STAG1: variants seen among roughly 807,000 people sequenced by gnomAD.
The protein encoded by STAG1 is cohesin subunit SA-1.
Under a neutral mutation model 170.9 loss-of-function variants are expected in STAG1, and 26 were observed. The ratio of observed to expected loss-of-function variants is 0.15; its 90% CI spans 0.11 to 0.21. STAG1 has a LOEUF of 0.21. Among genes scored for constraint, STAG1 ranks in the 10% least tolerant of loss-of-function variants. The probability of loss-of-function intolerance (pLI) is 1.00; values close to 1 mark genes in which losing one functional copy is unlikely to be tolerated. For missense variants in STAG1, 964 were observed against 1,509.5 expected, an observed-to-expected ratio of 0.64 and a Z score of 5.99; for synonymous variants, 514 against 497.7, an observed-to-expected ratio of 1.03 and a Z score of -0.44.
chr3:136,471,175 A>G (rs2089617944), intron 12 of STAG1, among the ~76,000 whole-genome samples: 1 of 151,684 alleles, frequency 6.6e-6, no homozygotes, highest in South Asian at 2.1e-4. Context: ...TTAATGTGCT[A>G]TGATCACATC....
intron 10 of STAG1, among the ~76,000 whole-genome samples, chr3:136,474,216 A>C (rs531207099): frequency 6.6e-6 from 1 of 152,312 alleles, no homozygotes; most frequent in Admixed American, 6.5e-5. Context: ...GTTGATGATC[A>C]AAATGCATTC....
rs190180927 is a variant in STAG1 at position 136,679,758 on chromosome 3, C to T, written c.-83-48777G>A. Among the ~76,000 whole-genome samples, 492 of 148,540 alleles carry T rather than the reference C, an allele frequency of 3.3e-3. 7 individuals carry two copies. The East Asian group carries it at 0.047, about 14-fold the overall frequency. On this transcript the variant is annotated intron_variant, in intron 1 of 33. Coordinates refer to ENST00000383202, the MANE Select transcript of STAG1 (RefSeq NM_005862.3). Reference sequence around the variant, plus strand: ...AAAAAAAAAAAAAAAAAAAATCAGCCGGGCATGGTGGTGCACGCCTGTAAT... The same window carrying T: ...AAAAAAAAAAAAAAAAAAAATCAGCTGGGCATGGTGGTGCACGCCTGTAAT...
rs1048236934 is a variant in STAG1 at position 136,631,704 on chromosome 3, A to T, written c.-83-723T>A. Among the ~76,000 whole-genome samples, 3 of 152,294 alleles carry T rather than the reference A, an allele frequency of 2.0e-5. No individual in the cohort carries two copies. The East Asian group carries it at 5.8e-4, about 29-fold the overall frequency. ...TACTTTTCCTTCAAATTTGCTGTGA[A>T]CCTACAATGGCTCTAAAAAACATAA... On this transcript the variant is annotated intron_variant, in intron 1 of 33. Coordinates refer to ENST00000383202, the MANE Select transcript of STAG1 (RefSeq NM_005862.3).
Position 136,500,382 on chromosome 3 carries a change from T to G in STAG1, c.829-86A>C, listed in dbSNP as rs951860802. 9 of 923,138 alleles carry G rather than the reference T, an allele frequency of 9.7e-6. No individual in the cohort carries two copies. In the African/African-American group the frequency reaches 1.5e-4, roughly 16 times the overall value. The allele number at this position is 923,138 out of a possible 1,614,324, so 57.2% of individuals were successfully genotyped here. A position where few individuals can be genotyped will look rare whatever the true frequency, so the allele number is the denominator to read the frequency against. On this transcript the variant is annotated intron_variant, in intron 8 of 33. Transcript: ENST00000383202. ...CCAATTGTTTTTAATTCCTGGTTAT[T>G]TTCATTCTGGGTAGTTTTCAATCCT...
chr3:136,723,995 C>T (rs1016526609), intron 1 of STAG1, among the ~76,000 whole-genome samples: 2 of 150,628 alleles, frequency 1.3e-5, no homozygotes, highest in East Asian at 2.0e-4. Flanking sequence ...GTCAGCCCCC[C>T]GCACAGCCAG....
intron 1 of STAG1, among the ~76,000 whole-genome samples, chr3:136,658,654 CA>C (rs1405954858): frequency 6.6e-6 from 1 of 152,090 alleles, no homozygotes; most frequent in African/African-American, 2.4e-5. Flanking sequence ...GAAGTTTTTA[CA>C]AAGTGAAATC....
At chr3:136,436,202 G>A (rs532610201) in intron 15 of STAG1, among the ~76,000 whole-genome samples, 8 of 150,926 alleles carry the variant, frequency 5.3e-5, no homozygotes, top group East Asian at 2.0e-4. Flanking sequence ...GTGATCCACC[G>A]GCCTCAGCCT....
intron 13 of STAG1, among the ~76,000 whole-genome samples, chr3:136,456,527 C>G (rs547108977): frequency 4.6e-5 from 7 of 152,198 alleles, no homozygotes; most frequent in African/African-American, 1.7e-4. Flanking sequence ...TTCAAGCAAA[C>G]TAACTTCTGC....
At chr3:136,574,587 A>G (rs1298673116) in intron 4 of STAG1, among the ~76,000 whole-genome samples, 1 of 152,162 alleles carries the variant, frequency 6.6e-6, no homozygotes, top group Non-Finnish European at 1.5e-5. Context: ...TACCAAACAT[A>G]AAGAGAAATA....
intron 1 of STAG1, among the ~76,000 whole-genome samples, chr3:136,737,696 G>C (rs1215641382): frequency 6.6e-6 from 1 of 152,210 alleles, no homozygotes; most frequent in Non-Finnish European, 1.5e-5. Context: ...CTAGGTAGCA[G>C]TATAAAGGAG....
intron 21 of STAG1, among the ~76,000 whole-genome samples, chr3:136,400,968 T>C (rs1364022424): frequency 1.3e-5 from 2 of 152,238 alleles, no homozygotes; most frequent in Admixed American, 6.5e-5. Context: ...TACAATACAT[T>C]GTTTTCATTG....
At chr3:136,521,499 G>C in intron 6 of STAG1, 82 bp from the exon 7 acceptor site, 2 of 1,228,390 alleles carry the variant, frequency 1.6e-6, no homozygotes, top group Admixed American at 4.5e-5. Flanking sequence ...TACCTACATA[G>C]GAACCCTTTT....
chr3:136,449,315 C>T (rs1346414323), intron 14 of STAG1, among the ~76,000 whole-genome samples: 1 of 152,140 alleles, frequency 6.6e-6, no homozygotes, highest in Non-Finnish European at 1.5e-5. Context: ...AATCCCAGCA[C>T]TTTGGAAGGC....
chr3:136,370,753 T>C (rs1188802762), intron 23 of STAG1, among the ~76,000 whole-genome samples: 1 of 152,214 alleles, frequency 6.6e-6, no homozygotes, highest in Admixed American at 6.5e-5. Context: ...CTTAATCTGG[T>C]CTATCATTGT....
chr3:136,395,514 T>TG (rs1475300165), intron 22 of STAG1, among the ~76,000 whole-genome samples: 2 of 151,798 alleles, frequency 1.3e-5, no homozygotes, highest in Non-Finnish European at 2.9e-5. Flanking sequence ...CCAGCTACCC[T>TG]GGAGGCTGAG....
At chr3:136,446,880 A>G (rs1576473562) in intron 14 of STAG1, among the ~76,000 whole-genome samples, 2 of 150,754 alleles carry the variant, frequency 1.3e-5, no homozygotes, top group South Asian at 4.2e-4. Flanking sequence ...GCTCACTGCC[A>G]CCTCTTGCCT....
chr3:136,636,686 A>T (rs935652286), intron 1 of STAG1, among the ~76,000 whole-genome samples: 3 of 152,262 alleles, frequency 2.0e-5, no homozygotes, highest in African/African-American at 7.2e-5. Context: ...TCACAAAAAA[A>T]TCAGCAAACT....
intron 10 of STAG1, 121 bp from the exon 11 acceptor site, chr3:136,473,758 T>A: frequency 1.4e-6 from 1 of 697,192 alleles, no homozygotes; most frequent in Non-Finnish European, 2.5e-6. Flanking sequence ...TAATTCAACA[T>A]AGGATGAGAC....
chr3:136,532,570 T>A (rs976220755), intron 6 of STAG1, among the ~76,000 whole-genome samples: 2 of 152,142 alleles, frequency 1.3e-5, no homozygotes, highest in Non-Finnish European at 2.9e-5. Context: ...TAATACACCA[T>A]GATCAAGCAA....
Sources: gnomAD v4.1 joint callset for allele counts (sites outside exome capture counted in the v4.1 genomes callset) on GRCh38, gnomAD v4.1.1 for gene constraint, MANE v1.5 for transcripts, NCBI Gene and HGNC (gene_info 2026-07-23, HGNC 2026-07-21) for gene names.